CDCA8: variants seen among roughly 807,000 people sequenced by gnomAD.
CDCA8 encodes cell division cycle associated 8.
In CDCA8, 25 loss-of-function variants were observed where a neutral mutation model predicts 40.0. That is an observed-to-expected ratio of 0.63 (90% CI 0.46 to 0.87). The LOEUF is 0.87. CDCA8 is among the 40% of genes least tolerant of loss of function. CDCA8 has a pLI of 0.00. For missense variants in CDCA8, 280 were observed against 348.4 expected (o/e 0.80, Z 1.56); for synonymous variants, 111 against 126.5 (o/e 0.88, Z 0.82).
intron 1 of CDCA8, 36 bp from the exon 2 acceptor site, chr1:37,692,869 C>A (rs768105558): frequency 6.2e-7 from 1 of 1,613,300 alleles, no homozygotes; most frequent in South Asian, 1.1e-5. Flanking sequence ...TTCGCCCGCC[C>A]GTGACCCGTG....
chr1:37,706,341 C>G (rs1645601728), intron 8 of CDCA8, among the ~76,000 whole-genome samples: 1 of 151,916 alleles, frequency 6.6e-6, no homozygotes, highest in Non-Finnish European at 1.5e-5. Context: ...CTCCTGACCT[C>G]AGGTGATCCA....
Position 37,698,900 on chromosome 1 carries a change from C to G in CDCA8, c.265-5C>G, listed in dbSNP as rs1645543940. 4 of 1,609,996 alleles carry G rather than the reference C, an allele frequency of 2.5e-6. No homozygotes were observed. The East Asian group carries it at 8.9e-5, about 36-fold the overall frequency. On this transcript the variant is annotated splice_polypyrimidine_tract_variant and splice_region_variant and intron_variant, in intron 3 of 9. Transcript: ENST00000373055. Reference sequence around the variant, plus strand: ...CCTGGTGCTTTCTGGCTATGTTTGTCATAGGCTGACCTGGATATCACCGAA... The same window carrying G: ...CCTGGTGCTTTCTGGCTATGTTTGTGATAGGCTGACCTGGATATCACCGAA...
Position 37,696,031 on chromosome 1 carries a change from G to C in CDCA8, c.264+81G>C, listed in dbSNP as rs982277950. On this transcript the variant is annotated intron_variant, in intron 3 of 9. Coordinates refer to ENST00000373055, the MANE Select transcript of CDCA8 (RefSeq NM_001256875.2). This position sits in a 1 kb window ranked among gnomAD's most constrained non-coding sequence, Gnocchi z 5.0. ...CAGATCCAACTAATAGATGCTTACT[G>C]TGGAAGAGGTTTCATAAAGGGACAT... The C allele has an allele frequency of 3.2e-5, 39 of 1,206,740 alleles. No individual in the cohort carries two copies. The Admixed American group carries it at 7.1e-4, about 22-fold the overall frequency. The allele number at this position is 1,206,740 out of a possible 1,614,324, so 74.8% of individuals were successfully genotyped here.
Position 37,692,718 on chromosome 1 carries a change from G to C in CDCA8, c.28G>C (p.Val10Leu). 1 of 1,613,350 alleles carries C rather than the reference G, an allele frequency of 6.2e-7. No individual in the cohort carries two copies. The highest frequency in any genetic ancestry group is 1.1e-5 in the South Asian group (1 of 91,076). Residue 10 changes from valine to leucine, a missense_variant, in exon 1 of 10, where the codon GTG becomes CTG. Val to Leu is a conservative substitution (Grantham distance 32). Transcript: ENST00000373055. ...GGCTCCTAGGAAGGGCAGTAGTCGG[G>C]TGGCCAAGACCAACTCCTTACGGAG... MAPRKGSSRVAKTNSLRRRK... is the reference protein window; with the variant it reads MAPRKGSSRLAKTNSLRRRK...
Position 37,698,947 on chromosome 1 carries a change from G to C in CDCA8, c.307G>C (p.Ala103Pro). The C allele has an allele frequency of 1.2e-6, 2 of 1,613,832 alleles. No individual in the cohort carries two copies. The highest frequency in any genetic ancestry group is 1.7e-6 in the Non-Finnish European group (2 of 1,179,728). ...ITEINKLTAE[A>P]IQTPLKSAKT... ...CGAAATAAACAAACTAACAGCAGAA[G>C]CTATTCAGACACCCCTGAAATCTGC... Residue 103 changes from alanine to proline, a missense_variant, in exon 4 of 10, where the codon GCT becomes CCT. Coordinates refer to ENST00000373055, the MANE Select transcript of CDCA8 (RefSeq NM_001256875.2).
intron 2 of CDCA8, 125 bp from the exon 3 acceptor site, chr1:37,695,780 ATAGAT>A: frequency 1.5e-6 from 1 of 676,942 alleles, no homozygotes; most frequent in Non-Finnish European, 2.5e-6. Context: ...TGGAGAAAGA[ATAGAT>A]TAGATGGTGA....
intron 2 of CDCA8, among the ~76,000 whole-genome samples, chr1:37,695,428 C>CA (rs5773600): frequency 0.25 from 34,251 of 136,678 alleles, 4,865 homozygotes; most frequent in East Asian, 0.7. Flanking sequence ...CCTATCTCTA[C>CA]AAAAAAACAC....
In CDCA8 at chr1:37,696,724, T is replaced by C. The variant is rs920678457; in HGVS notation, c.264+774T>C. On this transcript the variant is annotated intron_variant, in intron 3 of 9. Transcript: ENST00000373055. The surrounding 1 kb of genome is among the most constrained non-coding windows in gnomAD (Gnocchi z 5.0). The stretch of plus-strand genomic sequence containing the variant: ...ATTTGTGTATCTTTCTGTTAGTTTA[T>C]TGTAGCCTTGATCAGATTTACAAAG... Among the ~76,000 whole-genome samples, 1 of 152,252 alleles carries C rather than the reference T, an allele frequency of 6.6e-6. No homozygotes were observed. Among genetic ancestry groups the C allele is most frequent in the African/African-American group, 2.4e-5 (1 of 41,472 alleles).
Position 37,703,278 on chromosome 1 carries a change from C to T in CDCA8, c.515C>T (p.Pro172Leu), listed in dbSNP as rs199832856. 2 of 1,613,884 alleles carry T rather than the reference C, an allele frequency of 1.2e-6. No individual in the cohort carries two copies. Among genetic ancestry groups the T allele is most frequent in the African/African-American group, 2.7e-5 (2 of 75,034 alleles). ...KRSSRANTVT[P>L]AVGRLEVSMV... ...TCAAGCCGTGCTAACACTGTTACCC[C>T]AGCCGTGGGCCGATTGGAGGTGTCC... The change falls in exon 7 of 10, where the codon CCA becomes CTA. Residue 172 changes from proline to leucine, a missense_variant. Transcript: ENST00000373055.
In CDCA8 at chr1:37,696,530, A is replaced by T. The variant is rs1645528138; in HGVS notation, c.264+580A>T. On this transcript the variant is annotated intron_variant, in intron 3 of 9. Transcript: ENST00000373055. This position sits in a 1 kb window ranked among gnomAD's most constrained non-coding sequence, Gnocchi z 5.0. Reference sequence around the variant, plus strand: ...CATACTAGCCACATTTTACATGTTCAATACCTACATATGACTAGTAGCTAC... The same window carrying T: ...CATACTAGCCACATTTTACATGTTCTATACCTACATATGACTAGTAGCTAC... Among the ~76,000 whole-genome samples the T allele has an allele frequency of 6.6e-6, 1 of 152,230 alleles. No individual in the cohort carries two copies. Among genetic ancestry groups the T allele is most frequent in the Non-Finnish European group, 1.5e-5 (1 of 68,028 alleles).
chr1:37,707,641 CA>C (rs1342610840), intron 9 of CDCA8, among the ~76,000 whole-genome samples: 1 of 152,136 alleles, frequency 6.6e-6, no homozygotes, highest in Non-Finnish European at 1.5e-5. Context: ...CCCAATTGTT[CA>C]ATTTCTTGTC....
chr1:37,701,673 T>TA (rs71701232), intron 5 of CDCA8, 81 bp from the exon 6 acceptor site: 147,363 of 635,592 alleles, frequency 0.23, 4,618 homozygotes, highest in East Asian at 0.44. Flanking sequence ...CTTAATGCTT[T>TA]AAAAAAAAAA....
chr1:37,692,814 G>C (rs1005881070), intron 1 of CDCA8, 30 bp downstream of exon 1: 20 of 1,612,678 alleles, frequency 1.2e-5, no homozygotes, highest in Non-Finnish European at 1.7e-5. Flanking sequence ...CGGCCTCCTG[G>C]GGCGGTCGCG....
At chr1:37,692,844 C>T in intron 1 of CDCA8, 60 bp downstream of exon 1, 3 of 1,612,312 alleles carry the variant, frequency 1.9e-6, no homozygotes. Context: ...CGGGTGGGGA[C>T]ACGAGCTGCA....
chr1:37,700,324 C>T, intron 4 of CDCA8, 112 bp from the exon 5 acceptor site: 1 of 665,144 alleles, frequency 1.5e-6, no homozygotes, highest in Non-Finnish European at 2.7e-6. Context: ...ATTTTTAGTC[C>T]ATTTCTTCCT....
chr1:37,706,872 C>A (rs564759961), intron 8 of CDCA8, 106 bp from the exon 9 acceptor site: 65 of 793,476 alleles, frequency 8.2e-5, no homozygotes, highest in African/African-American at 6.3e-4. Flanking sequence ...CTTGCCACTT[C>A]TCCATCCCAG....
Position 37,707,607 on chromosome 1 carries a change from A to G in CDCA8, c.798+543A>G, listed in dbSNP as rs370519538. On this transcript the variant is annotated intron_variant, in intron 9 of 9. Transcript: ENST00000373055. ...TGTGGCTTTGAGTAACCACACCTCC[A>G]ATCCCAACTTTATTGCTCTATTGCC... Among the ~76,000 whole-genome samples the G allele has an allele frequency of 2.1e-4, 32 of 152,302 alleles. No individual in the cohort carries two copies. The South Asian group carries it at 6.4e-3, about 31-fold the overall frequency.
intron 2 of CDCA8, among the ~76,000 whole-genome samples, chr1:37,695,413 G>A (rs1425794636): frequency 2.3e-5 from 3 of 132,576 alleles, no homozygotes; most frequent in Admixed American, 7.9e-5. Context: ...ACAACTTGGC[G>A]AAACCCTATC....
Position 37,693,040 on chromosome 1 carries a change from G to A in CDCA8, c.223+7G>A. 4 of 1,613,650 alleles carry A rather than the reference G, an allele frequency of 2.5e-6. No individual in the cohort carries two copies. Among genetic ancestry groups the A allele is most frequent in the Non-Finnish European group, 3.4e-6 (4 of 1,179,802 alleles). On this transcript the variant is annotated splice_region_variant and intron_variant, in intron 2 of 9. Transcript: ENST00000373055. Reference sequence around the variant, plus strand: ...AACTGGCTTGACTACTTCGGTAAGAGCTGGAGAGCTTCCCTGGGCGGAGGC... The same window carrying A: ...AACTGGCTTGACTACTTCGGTAAGAACTGGAGAGCTTCCCTGGGCGGAGGC...
Sources: gnomAD v4.1 joint callset for allele counts (sites outside exome capture counted in the v4.1 genomes callset) on GRCh38, gnomAD v4.1.1 for gene constraint, Gnocchi (gnomAD v3.1) non-coding constraint, MANE v1.5 for transcripts, NCBI Gene and HGNC (gene_info 2026-07-23, HGNC 2026-07-21) for gene names.